NREP: variants seen among roughly 807,000 people sequenced by gnomAD.
NREP encodes neuronal regeneration related protein, also known as neuronal regeneration-related protein.
A neutral mutation model predicts 8.6 loss-of-function variants in NREP; 5 were observed. That is an observed-to-expected ratio of 0.58 (90% CI 0.30 to 1.22). The LOEUF (loss-of-function observed/expected upper bound fraction) is 1.22, where lower values mean the gene tolerates loss of function less well. Among genes scored for constraint, NREP ranks in the 50% most tolerant of loss-of-function variants. NREP has a pLI of 0.07. For missense variants in NREP, 86 were observed against 82.5 expected (o/e 1.04, Z -0.17); for synonymous variants, 27 against 28.0 (o/e 0.96, Z 0.11).
At chr5:111,834,146 T>C (rs1752839371) in intron 2 of NREP, among the ~76,000 whole-genome samples, 1 of 152,200 alleles carries the variant, frequency 6.6e-6, no homozygotes, top group Non-Finnish European at 1.5e-5. Context: ...GAGCAAATGC[T>C]GGGAGATACT....
intron 2 of NREP, among the ~76,000 whole-genome samples, chr5:111,792,510 C>A (rs116304773): frequency 6.6e-6 from 1 of 151,902 alleles, no homozygotes; most frequent in Non-Finnish European, 1.5e-5. Context: ...TGATTTCTTA[C>A]AAAAGGACAT....
At position 111,908,229 on chromosome 5, in the gene NREP, AAT is replaced by A. The variant is rs1754824018; in HGVS notation, c.135+67043_135+67044del. On this transcript the variant is annotated intron_variant, in intron 2 of 3. Coordinates refer to the NREP transcript ENST00000395634. ...GCACTAAATGCTAATAGAATAAAAAAATGAGTAAAATATCTGTCCTAAGCCCA... is the reference window on the plus strand; with the variant it reads ...GCACTAAATGCTAATAGAATAAAAAAGAGTAAAATATCTGTCCTAAGCCCA... Among the ~76,000 whole-genome samples the A allele has an allele frequency of 6.6e-5, 10 of 152,170 alleles. No homozygotes were observed. The South Asian group carries it at 2.1e-3, about 32-fold the overall frequency.
At chr5:111,837,804 C>T (rs778873721) in intron 2 of NREP, among the ~76,000 whole-genome samples, 1 of 152,026 alleles carries the variant, frequency 6.6e-6, no homozygotes, top group African/African-American at 2.4e-5. Flanking sequence ...GTAGCATAGT[C>T]AGATTACCTT....
In NREP at chr5:111,729,781, T is replaced by C. The variant is rs553580779; in HGVS notation, c.*1140A>G. The C allele has an allele frequency of 6.5e-6, 1 of 152,726 alleles. No homozygotes were observed. The highest frequency in any genetic ancestry group is 2.4e-5 in the African/African-American group (1 of 41,558). The allele number at this position is 152,726 out of a possible 1,614,324, so 9.5% of individuals were successfully genotyped here. ...GGGAGCAAGGACAAAAATGTAAATCTACACCTTGCTTATCAAAATTGCCGA... is the reference window on the plus strand; with the variant it reads ...GGGAGCAAGGACAAAAATGTAAATCCACACCTTGCTTATCAAAATTGCCGA... On this transcript the variant is annotated 3_prime_UTR_variant, in exon 4 of 4. Transcript: ENST00000257435.
At chr5:111,926,666 G>A (rs968649541) in intron 2 of NREP, among the ~76,000 whole-genome samples, 9 of 152,028 alleles carry the variant, frequency 5.9e-5, no homozygotes, top group Admixed American at 3.9e-4. Context: ...GAATGCACTC[G>A]AGAGGAGTGC....
chr5:111,817,804 CAAA>C (rs145517030), intron 2 of NREP, among the ~76,000 whole-genome samples: 3 of 56,430 alleles, frequency 5.3e-5, no homozygotes, highest in African/African-American at 6.3e-5. Context: ...GACTTCATCT[CAAA>C]AAAAAAAAAA....
intron 2 of NREP, among the ~76,000 whole-genome samples, chr5:111,753,093 C>T (rs538491289): frequency 5.9e-5 from 9 of 151,642 alleles, no homozygotes; most frequent in Admixed American, 2.6e-4. Context: ...GTGGGAGAGG[C>T]ATATTTACTA....
chr5:111,908,150 T>C (rs2112558691), intron 2 of NREP, among the ~76,000 whole-genome samples: 1 of 138,852 alleles, frequency 7.2e-6, no homozygotes, highest in Admixed American at 7.3e-5. Flanking sequence ...TCTTCATTGA[T>C]TATTAGTGTT....
intron 2 of NREP, among the ~76,000 whole-genome samples, chr5:111,786,053 C>G (rs1751602340): frequency 6.6e-6 from 1 of 152,202 alleles, no homozygotes; most frequent in Non-Finnish European, 1.5e-5. Flanking sequence ...AAAGCAGCCT[C>G]TTTCATTGAT....
At chr5:111,957,021 ATACAG>A (rs1270731944) in intron 2 of NREP, among the ~76,000 whole-genome samples, 1 of 151,830 alleles carries the variant, frequency 6.6e-6, no homozygotes, top group Non-Finnish European at 1.5e-5. Flanking sequence ...GTACAATGAC[ATACAG>A]TAGAGTGATA....
chr5:111,853,205 G>GA (rs1215694808), intron 2 of NREP, among the ~76,000 whole-genome samples: 2 of 152,034 alleles, frequency 1.3e-5, no homozygotes, highest in Non-Finnish European at 2.9e-5. Context: ...ATAGACAGTA[G>GA]AAAAATCAAT....
At chr5:111,828,331 A>G (rs943378691) in intron 2 of NREP, among the ~76,000 whole-genome samples, 6 of 152,026 alleles carry the variant, frequency 3.9e-5, no homozygotes, top group Admixed American at 3.9e-4. Context: ...GCCCGGCCGG[A>G]TATTTGTTTT....
chr5:111,729,227 G>A (rs896889920), downstream of NREP: 4 of 152,144 alleles, frequency 2.6e-5, no homozygotes, highest in African/African-American at 9.7e-5. Context: ...CTGGGGCTCT[G>A]GAAACACATG....
At chr5:111,881,049 G>T (rs879577134) in intron 2 of NREP, among the ~76,000 whole-genome samples, 1 of 152,236 alleles carries the variant, frequency 6.6e-6, no homozygotes, top group South Asian at 2.1e-4. Context: ...AAGCGTAAGA[G>T]ATCAGGGAAT....
At position 111,847,499 on chromosome 5, in the gene NREP, T is replaced by G. The variant is rs1444089013; in HGVS notation, c.136-111992A>C. On this transcript the variant is annotated intron_variant, in intron 2 of 3. Transcript: ENST00000395634. ...AGACATAAACAGTCCATAGCACATA[T>G]TACATTTAACAAACTAATGTGATAT... 6.6e-5 allele frequency among the ~76,000 whole-genome samples: 10 copies of G among 152,294 alleles called. 1 individual carries two copies. In the South Asian group the frequency reaches 2.1e-3, roughly 32 times the overall value.
chr5:111,842,032 A>G (rs1384701218), intron 2 of NREP, among the ~76,000 whole-genome samples: 2 of 152,070 alleles, frequency 1.3e-5, no homozygotes, highest in Non-Finnish European at 2.9e-5. Context: ...TGAGTGCTAT[A>G]CTTTCTTGTA....
At chr5:111,734,997 G>T (rs374388355) in intron 3 of NREP, 2 of 381,374 alleles carry the variant, frequency 5.2e-6, no homozygotes. Flanking sequence ...TCAAAAATTA[G>T]AAGAAAGAAA....
chr5:111,792,482 A>G (rs1169613616), intron 2 of NREP, among the ~76,000 whole-genome samples: 1 of 152,226 alleles, frequency 6.6e-6, no homozygotes, highest in Non-Finnish European at 1.5e-5. Context: ...TTGGATGCAC[A>G]ATAAAAAATA....
At chr5:111,804,947 G>C (rs180688077) in intron 2 of NREP, among the ~76,000 whole-genome samples, 216 of 152,330 alleles carry the variant, frequency 1.4e-3, no homozygotes, top group Non-Finnish European at 2.1e-3. Flanking sequence ...CTTGCAGTGA[G>C]CCGAGATGGC....
Sources: gnomAD v4.1 joint callset for allele counts (sites outside exome capture counted in the v4.1 genomes callset) on GRCh38, gnomAD v4.1.1 for gene constraint, MANE v1.5 for transcripts, NCBI Gene and HGNC (gene_info 2026-07-23, HGNC 2026-07-21) for gene names.